SAFB2: variants seen among roughly 807,000 people sequenced by gnomAD.
SAFB2 encodes scaffold attachment factor B2.
A neutral mutation model predicts 100.6 loss-of-function variants in SAFB2; 32 were observed. The ratio of observed to expected loss-of-function variants is 0.32; its 90% CI spans 0.24 to 0.43. The LOEUF is 0.43. Among genes scored for constraint, SAFB2 ranks in the 20% least tolerant of loss-of-function variants. SAFB2 has a pLI of 1.00. For synonymous variants in SAFB2, 500 were observed against 439.4 expected (o/e 1.14, Z -1.72); for missense variants, 1,185 against 1,163.4 (o/e 1.02, Z -0.27).
chr19:5,608,491 C>T (rs1389262889), intron 9 of SAFB2, among the ~76,000 whole-genome samples: 1 of 152,166 alleles, frequency 6.6e-6, no homozygotes, highest in Non-Finnish European at 1.5e-5. Context: ...CCTTGCTGAA[C>T]ACACAGACTG....
chr19:5,620,216 T>C (rs1029400214), intron 2 of SAFB2, among the ~76,000 whole-genome samples: 8 of 152,164 alleles, frequency 5.3e-5, no homozygotes, highest in African/African-American at 1.2e-4. Context: ...TCAAACTACA[T>C]GCACATGTTT....
rs373949247 is a variant in SAFB2, at chr19:5,604,566, T to C, written c.1559+17A>G. ...CCTCCCAGGGATTCCAAGAGGAGGT[T>C]TGAAAATTCACTTTACTTTTCAATT... On this transcript the variant is annotated intron_variant, in intron 11 of 20. Transcript: ENST00000252542. 49 of 1,604,178 alleles carry C rather than the reference T, an allele frequency of 3.1e-5. No individual in the cohort carries two copies. The African/African-American group carries it at 6.3e-4, about 21-fold the overall frequency.
At position 5,622,744 on chromosome 19, in the gene SAFB2, C is replaced by G. The variant is rs1000371187; in HGVS notation, c.-29G>C. The G allele has an allele frequency of 6.3e-7, 1 of 1,578,626 alleles. No homozygotes were observed. Among genetic ancestry groups the G allele is most frequent in the Non-Finnish European group, 8.6e-7 (1 of 1,167,424 alleles). ...CGCGTTCCCGTCTTCGCCACCGACTCAGTCGCACACCGCCGGCAGCTATAG... is the reference window on the plus strand; with the variant it reads ...CGCGTTCCCGTCTTCGCCACCGACTGAGTCGCACACCGCCGGCAGCTATAG... On this transcript the variant is annotated 5_prime_UTR_variant, in exon 1 of 21. Transcript: ENST00000252542.
intron 9 of SAFB2, among the ~76,000 whole-genome samples, chr19:5,608,373 A>G (rs1377111471): frequency 1.3e-5 from 2 of 152,208 alleles, no homozygotes; most frequent in Non-Finnish European, 2.9e-5. Context: ...AAAATCTGTG[A>G]TGACAGTGAC....
At chr19:5,608,413 G>A (rs528962683) in intron 9 of SAFB2, among the ~76,000 whole-genome samples, 1 of 152,306 alleles carries the variant, frequency 6.6e-6, no homozygotes, top group South Asian at 2.1e-4. Context: ...TTAATCATCA[G>A]TGTCCGAGTG....
chr19:5,594,230 G>GA (rs759845891), intron 14 of SAFB2, 52 bp from the exon 15 acceptor site: 1 of 1,494,176 alleles, frequency 6.7e-7, no homozygotes, highest in Admixed American at 2.3e-5. Flanking sequence ...CCTCCAAGGA[G>GA]AAAGCCCGGT....
At chr19:5,590,567 T>G (rs2052374449) in intron 17 of SAFB2, among the ~76,000 whole-genome samples, 159 bp from the exon 18 acceptor site, 1 of 152,162 alleles carries the variant, frequency 6.6e-6, no homozygotes, top group Admixed American at 6.5e-5. Context: ...CCTGCTTCAC[T>G]GACCCTCTGC....
intron 12 of SAFB2, 100 bp from the exon 13 acceptor site, chr19:5,598,984 G>T: frequency 1.9e-6 from 2 of 1,039,856 alleles, no homozygotes; most frequent in South Asian, 1.3e-5. Flanking sequence ...AACACACAAG[G>T]CGTGAGTCAA....
Position 5,593,963 on chromosome 19 carries a change from A to T in SAFB2, c.2135T>A (p.Leu712Gln). The T allele has an allele frequency of 6.4e-7, 1 of 1,552,504 alleles. No individual in the cohort carries two copies. ...ACGCAGCTGCTCCTGCTGGCGCCGCAGCTCCTCGCGCTCGCGGTGGATGCG... is the reference window on the plus strand; with the variant it reads ...ACGCAGCTGCTCCTGCTGGCGCCGCTGCTCCTCGCGCTCGCGGTGGATGCG... ...QERIHREREE[L>Q]RRQQEQLRYE... The change falls in exon 15 of 21, where the codon CTG (leucine) becomes CAG (glutamine). Residue 712 changes from leucine to glutamine, a missense_variant. Physicochemically the swap from Leu to Gln is moderately radical, Grantham distance 113. Coordinates refer to ENST00000252542, the MANE Select transcript of SAFB2 (RefSeq NM_014649.3).
intron 11 of SAFB2, among the ~76,000 whole-genome samples, chr19:5,601,732 A>AAAT (rs1288707773): frequency 6.6e-6 from 1 of 151,452 alleles, no homozygotes; most frequent in Non-Finnish European, 1.5e-5. Context: ...ATAAATAAAT[A>AAAT]AATAAATAAA....
chr19:5,587,250 C>T lies in SAFB2; in HGVS notation c.2855G>A (p.Arg952His), dbSNP rs747865364. ...HPPPYPHFTR[R>H]Y ...ACTCGCAGCGAGTGGGACTTAGTAG[C>T]GGCGGGTGAAGTGGGGGTACGGGGG... The change falls in exon 21 of 21, where the codon CGC (arginine) becomes CAC (histidine). Residue 952 changes from arginine to histidine, a missense_variant. Coordinates refer to ENST00000252542, the MANE Select transcript of SAFB2 (RefSeq NM_014649.3). The surrounding 1 kb of genome is among the most constrained non-coding windows in gnomAD (Gnocchi z 4.9). 26 of 1,611,622 alleles carry T rather than the reference C, an allele frequency of 1.6e-5. No individual in the cohort carries two copies. In the South Asian group the frequency reaches 2.0e-4, roughly 12 times the overall value.
intron 4 of SAFB2, among the ~76,000 whole-genome samples, chr19:5,614,607 A>T (rs1413441236): frequency 1.3e-5 from 2 of 152,208 alleles, no homozygotes; most frequent in Admixed American, 6.5e-5. Context: ...AGTCCTATGG[A>T]GGCATTTCCA....
At chr19:5,608,891 T>C (rs1020358066) in intron 9 of SAFB2, among the ~76,000 whole-genome samples, 1 of 150,844 alleles carries the variant, frequency 6.6e-6, no homozygotes, top group Non-Finnish European at 1.5e-5. Context: ...CTACTGAAAA[T>C]ACAAAAATTA....
At position 5,604,667 on chromosome 19, in the gene SAFB2, A is replaced by C; in HGVS notation, c.1475T>G (p.Leu492Arg). The change falls in exon 11 of 21, where the codon CTT becomes CGT. Residue 492 changes from leucine to arginine, a missense_variant. By Grantham distance (102) the Leu-to-Arg change is moderately radical. This residue lies in a region of SAFB2 where 740 missense variants were observed against 687.1 expected (regional missense o/e 1.08). Coordinates refer to ENST00000252542, the MANE Select transcript of SAFB2 (RefSeq NM_014649.3). Reference sequence around the variant, plus strand: ...CACTTCGCACTCTTTTCTGTCGGAAAGCTTTTTCCCAGCAGGCTCATTTTT... The same window carrying C: ...CACTTCGCACTCTTTTCTGTCGGAACGCTTTTTCCCAGCAGGCTCATTTTT... ...KAKNEPAGKK[L>R]SDRKECEVKK... The C allele has an allele frequency of 6.2e-7, 1 of 1,614,200 alleles. No homozygotes were observed. The highest frequency in any genetic ancestry group is 8.5e-7 in the Non-Finnish European group (1 of 1,180,036).
Position 5,616,339 on chromosome 19 carries a change from T to C in SAFB2, c.340-4A>G. 2 of 1,613,940 alleles carry C rather than the reference T, an allele frequency of 1.2e-6. No homozygotes were observed. Among genetic ancestry groups the C allele is most frequent in the Non-Finnish European group, 1.7e-6 (2 of 1,179,876 alleles). ...CCAGACTTGCTTCCATGTCCTCCTGTAAAGAGGAAGAAGAATCGTTAACGA... is the reference window on the plus strand; with the variant it reads ...CCAGACTTGCTTCCATGTCCTCCTGCAAAGAGGAAGAAGAATCGTTAACGA... On this transcript the variant is annotated splice_polypyrimidine_tract_variant and splice_region_variant and intron_variant, in intron 3 of 20. Transcript: ENST00000252542.
chr19:5,590,481 C>T (rs2052371785), intron 17 of SAFB2, 73 bp from the exon 18 acceptor site: 1 of 1,469,778 alleles, frequency 6.8e-7, no homozygotes, highest in South Asian at 1.4e-5. Flanking sequence ...GAAGGCCTGT[C>T]CACTGCAGGC....
chr19:5,621,208 C>T, intron 2 of SAFB2, 101 bp downstream of exon 2: 2 of 788,888 alleles, frequency 2.5e-6, no homozygotes, highest in Non-Finnish European at 2.3e-6. Context: ...ACACCGAGTA[C>T]CAGAGAAATT....
Position 5,621,387 on chromosome 19 carries a change from C to T in SAFB2, c.196G>A (p.Glu66Lys), listed in dbSNP as rs1488102463. 14 of 1,609,414 alleles carry T rather than the reference C, an allele frequency of 8.7e-6. No individual in the cohort carries two copies. The highest frequency in any genetic ancestry group is 1.1e-5 in the Non-Finnish European group (13 of 1,175,836). ...ATTTCATCAGGATCTTGCCCCTCTT[C>T]TTTAACCGCCTATTAGGGAGAGATG... ...LMERLKKAVK[E>K]EGQDPDEIGI... is the part of the protein sequence containing the mutation. Residue 66 changes from glutamate to lysine, a missense_variant, in exon 2 of 21, where the codon GAA (glutamate) becomes AAA (lysine). Transcript: ENST00000252542.
At chr19:5,619,477 C>A (rs978048724) in intron 2 of SAFB2, among the ~76,000 whole-genome samples, 2 of 152,200 alleles carry the variant, frequency 1.3e-5, no homozygotes, top group African/African-American at 4.8e-5. Context: ...TTAATCTAGA[C>A]ATTCAGGCAG....
Sources: allele counts gnomAD v4.1 joint callset (sites outside exome capture counted in the v4.1 genomes callset), GRCh38; gene constraint gnomAD v4.1.1; regional missense constraint gnomAD v4.1.1; non-coding constraint Gnocchi (gnomAD v3.1); transcripts MANE v1.5; gene names NCBI Gene and HGNC (gene_info 2026-07-23, HGNC 2026-07-21).